Variants in MUC5B observed in about 807,000 individuals in gnomAD.
MUC5B encodes the protein mucin-5B.
A neutral mutation model predicts 376.9 loss-of-function variants in MUC5B; 116 were observed. The observed-to-expected ratio is 0.31, with a 90% CI of 0.26 to 0.36. The LOEUF is 0.36. MUC5B is among the 10% of genes least tolerant of loss of function. MUC5B has a pLI of 1.00. For synonymous variants in MUC5B, 3,517 were observed against 3,390.9 expected (o/e 1.04, Z -1.29); for missense variants, 7,165 against 7,769.9 (o/e 0.92, Z 2.93).
chr11:1,254,125 C>A lies in MUC5B; in HGVS notation c.15251C>A (p.Ser5084Tyr), dbSNP rs1391683045. 1 of 1,612,588 alleles carries A rather than the reference C, an allele frequency of 6.2e-7. No individual in the cohort carries two copies. Among genetic ancestry groups the A allele is most frequent in the African/African-American group, 1.3e-5 (1 of 74,928 alleles). ...AGCATGTGGGGCGGCTCCCACTATT[C>A]CACCTTTGACGGCACCTCTTACACC... ...ICSMWGGSHY[S>Y]TFDGTSYTFR... The change falls in exon 34 of 49, where the codon TCC becomes TAC. Residue 5084 changes from serine to tyrosine, a missense_variant. Ser to Tyr is a moderately radical substitution (Grantham distance 144). This residue lies in a region of MUC5B where 842 missense variants were observed against 1,016.9 expected (regional missense o/e 0.83). Transcript: ENST00000529681.
In MUC5B at chr11:1,242,144, C is replaced by A. The variant is rs369056309; in HGVS notation, c.5264C>A (p.Thr1755Asn). ...CCAACACTCACGAGCGAGCTGTCCA[C>A]CTCTCAGGCCGAGACCAGCACGCCC... The part of the protein sequence containing the change: ...LAPTLTSELS[T>N]SQAETSTPRT... Residue 1755 changes from threonine to asparagine, a missense_variant, in exon 31 of 49, where the codon ACC becomes AAC. This residue lies in a region of MUC5B where 897 missense variants were observed against 779.6 expected (regional missense o/e 1.15). Coordinates refer to ENST00000529681, the MANE Select transcript of MUC5B (RefSeq NM_002458.3). The A allele has an allele frequency of 6.0e-5, 97 of 1,613,484 alleles. 1 individual carries two copies. The African/African-American group carries it at 8.0e-4, about 13-fold the overall frequency.
At chr11:1,235,434 G>A in intron 23 of MUC5B, 21 bp downstream of exon 23, 1 of 1,594,908 alleles carries the variant, frequency 6.3e-7, no homozygotes, top group Non-Finnish European at 8.6e-7. Context: ...CCCCAGCTGT[G>A]AGCACCCCCG....
intron 7 of MUC5B, 60 bp from the exon 8 acceptor site, chr11:1,228,504 G>A: frequency 7.0e-7 from 1 of 1,436,388 alleles, no homozygotes; most frequent in South Asian, 1.4e-5. Context: ...TCCTATTCCA[G>A]CACCGTGGCA....
chr11:1,227,013 A>T lies in MUC5B; in HGVS notation c.462-18A>T. 1 of 1,595,910 alleles carries T rather than the reference A, an allele frequency of 6.3e-7. No homozygotes were observed. On this transcript the variant is annotated intron_variant, in intron 4 of 48. Transcript: ENST00000529681. ...CCAGGAGAGCGGGGCCCAGGGAGAG[A>T]CCCCGCTGTCTGCGCAGGGAGGAGC...
In MUC5B at chr11:1,254,764, C is replaced by G; in HGVS notation, c.15548C>G (p.Thr5183Ser). 1.2e-6 allele frequency: 2 copies of G among 1,612,884 alleles called. No homozygotes were observed. Among genetic ancestry groups the G allele is most frequent in the Non-Finnish European group, 1.7e-6 (2 of 1,179,780 alleles). Reference protein sequence around the residue: ...KNGVLVSVLGTTTMRVDIPAL... With the variant: ...KNGVLVSVLGSTTMRVDIPAL... Reference sequence around the variant, plus strand: ...GGCGTGCTTGTGTCTGTGCTGGGGACCACCACCATGCGTGTGGACATTCCT... The same window carrying G: ...GGCGTGCTTGTGTCTGTGCTGGGGAGCACCACCATGCGTGTGGACATTCCT... Residue 5183 changes from threonine to serine, a missense_variant, in exon 35 of 49, where the codon ACC becomes AGC. Transcript: ENST00000529681.
rs997115475 is a variant in MUC5B, at chr11:1,234,430, G to A, written c.2479-99G>A. The A allele has an allele frequency of 1.3e-5, 19 of 1,505,066 alleles. No homozygotes were observed. The highest frequency in any genetic ancestry group is 1.6e-5 in the Non-Finnish European group (18 of 1,114,182). 93.2% of individuals were successfully genotyped at this position (1,505,066 alleles called of 1,614,324 possible). A position where few individuals can be genotyped will look rare whatever the true frequency, so the allele number is the denominator to read the frequency against. On this transcript the variant is annotated intron_variant, in intron 20 of 48. Coordinates refer to ENST00000529681, the MANE Select transcript of MUC5B (RefSeq NM_002458.3). This position sits in a 1 kb window ranked among gnomAD's most constrained non-coding sequence, Gnocchi z 6.3. ...CTGGAAGCTCCGCCCTGGCCCATGC[G>A]TTGCCCTGGGTGCTGCTGGGTGCGC...
Position 1,234,040 on chromosome 11 carries a change from G to A in MUC5B, c.2378-165G>A, listed in dbSNP as rs938948716. ...GGAGGGGCCAGTGGGTCTCTGCCCCGCAGTGTGGCCGGGGTGTCCTGGGGT... is the reference window on the plus strand; with the variant it reads ...GGAGGGGCCAGTGGGTCTCTGCCCCACAGTGTGGCCGGGGTGTCCTGGGGT... On this transcript the variant is annotated intron_variant, in intron 19 of 48. Transcript: ENST00000529681. The surrounding 1 kb of genome is among the most constrained non-coding windows in gnomAD (Gnocchi z 6.3). 3.3e-5 allele frequency among the ~76,000 whole-genome samples: 5 copies of A among 152,148 alleles called. No homozygotes were observed. The highest frequency in any genetic ancestry group is 1.9e-4 in the East Asian group (1 of 5,190).
chr11:1,253,012 G>C lies in MUC5B; in HGVS notation c.15217+32G>C, dbSNP rs116907984. ...GCGTCGGTGGCCGCGGGATTACCCC[G>C]GGGGCAGGTGGAGCAGAGTGCACCG... is the stretch of plus-strand genomic sequence containing the variant. On this transcript the variant is annotated intron_variant, in intron 33 of 48. Transcript: ENST00000529681. The surrounding 1 kb of genome is among the most constrained non-coding windows in gnomAD (Gnocchi z 4.3). 1.1e-5 allele frequency: 17 copies of C among 1,610,832 alleles called. No homozygotes were observed. Among genetic ancestry groups the C allele is most frequent in the African/African-American group, 6.7e-5 (5 of 74,812 alleles).
chr11:1,247,572 C>T lies in MUC5B; in HGVS notation c.10692C>T (p.Thr3564=), dbSNP rs1212274223. 6.2e-7 allele frequency: 1 copy of T among 1,610,876 alleles called. No individual in the cohort carries two copies. Among genetic ancestry groups the T allele is most frequent in the Non-Finnish European group, 8.5e-7 (1 of 1,179,442 alleles). The change falls in exon 31 of 49, where the codon ACC becomes ACT. Residue 3564 remains threonine, a synonymous_variant. Coordinates refer to ENST00000529681, the MANE Select transcript of MUC5B (RefSeq NM_002458.3). The part of the protein sequence containing the change: ...LPSSPTSAPI[T]TVVTTGCEPQ... ...GCAGCCCCACATCGGCCCCCATAAC[C>T]ACGGTGGTGACCACGGGCTGTGAGC...
chr11:1,223,474 G>T (rs1029252695), intron 1 of MUC5B: 9 of 539,752 alleles, frequency 1.7e-5, no homozygotes, highest in African/African-American at 1.5e-4. Context: ...AAAGGGTCTT[G>T]GTCTTGGGGG....
At position 1,257,203 on chromosome 11, in the gene MUC5B, C is replaced by T. The variant is rs776905761; in HGVS notation, c.16238-37C>T. 4 of 779,624 alleles carry T rather than the reference C, an allele frequency of 5.1e-6. No homozygotes were observed. The Middle Eastern group carries it at 9.0e-4, about 176-fold the overall frequency. 48.3% of individuals were successfully genotyped at this position (779,624 alleles called of 1,614,324 possible). Reference sequence around the variant, plus strand: ...CCAGAGGCCCCTCCGCCTGCAAACTCAGCACCCTCCGTGATGCCATGCTGT... The same window carrying T: ...CCAGAGGCCCCTCCGCCTGCAAACTTAGCACCCTCCGTGATGCCATGCTGT... On this transcript the variant is annotated intron_variant, in intron 39 of 48. Transcript: ENST00000529681. The surrounding 1 kb of genome is among the most constrained non-coding windows in gnomAD (Gnocchi z 8.9).
In MUC5B at chr11:1,245,977, A is replaced by C; in HGVS notation, c.9097A>C (p.Thr3033Pro). The C allele has an allele frequency of 6.2e-7, 1 of 1,612,700 alleles. No individual in the cohort carries two copies. The highest frequency in any genetic ancestry group is 8.5e-7 in the Non-Finnish European group (1 of 1,179,668). ...KVLTSTATTP[T>P]ATSSKATSSS... ...GCTGACCAGCACGGCCACCACACCCACAGCCACCAGTTCCAAAGCCACTTC... is the reference window on the plus strand; with the variant it reads ...GCTGACCAGCACGGCCACCACACCCCCAGCCACCAGTTCCAAAGCCACTTC... Residue 3033 changes from threonine to proline, a missense_variant, in exon 31 of 49, where the codon ACA becomes CCA. Thr to Pro is a conservative substitution (Grantham distance 38). Transcript: ENST00000529681.
chr11:1,257,599 A>G lies in MUC5B; in HGVS notation c.16339A>G (p.Lys5447Glu). Reference sequence around the variant, plus strand: ...CGAGGGTTCAGTGTCGGTGCAGTGCAAGCCCCTGCCCTGTGACGCCCAGGG... The same window carrying G: ...CGAGGGTTCAGTGTCGGTGCAGTGCGAGCCCCTGCCCTGTGACGCCCAGGG... ...CDEGSVSVQC[K>E]PLPCDAQGQP... Residue 5447 changes from lysine to glutamate, a missense_variant, in exon 41 of 49, where the codon AAG becomes GAG. Physicochemically the swap from Lys to Glu is moderately conservative, Grantham distance 56. Around this residue, in one of 31 missense-constraint regions of MUC5B, gnomAD observed 842 missense variants for 1,016.9 expected, o/e 0.83. Transcript: ENST00000529681. The surrounding 1 kb of genome is among the most constrained non-coding windows in gnomAD (Gnocchi z 8.9). 1.9e-6 allele frequency: 3 copies of G among 1,605,640 alleles called. No homozygotes were observed. The highest frequency in any genetic ancestry group is 2.5e-6 in the Non-Finnish European group (3 of 1,179,624).
chr11:1,230,656 T>G (rs1862006836), intron 12 of MUC5B, 56 bp downstream of exon 12: 9 of 1,488,542 alleles, frequency 6.0e-6, no homozygotes, highest in South Asian at 1.2e-5. Context: ...CGAAGGTGTG[T>G]GGGGAGCAAG....
At chr11:1,259,092 G>T in intron 44 of MUC5B, 31 bp downstream of exon 44, 1 of 1,534,672 alleles carries the variant, frequency 6.5e-7, no homozygotes. Context: ...CCCCAGGTGA[G>T]CCCCCGAGGC....
At chr11:1,233,930 C>T in intron 19 of MUC5B, 82 bp downstream of exon 19, 1 of 1,373,074 alleles carries the variant, frequency 7.3e-7, no homozygotes, top group South Asian at 1.3e-5. Flanking sequence ...CCCCACCCTG[C>T]CCCACCCCAC....
chr11:1,248,471 A>G lies in MUC5B; in HGVS notation c.11591A>G (p.Lys3864Arg). Residue 3864 changes from lysine (K) to arginine (R), a missense_variant, in exon 31 of 49, where the codon AAA becomes AGA. Coordinates refer to ENST00000529681, the MANE Select transcript of MUC5B (RefSeq NM_002458.3). ...SSTPGTAHTT[K>R]VPTTTTTGFT... Reference sequence around the variant, plus strand: ...ACCCCAGGAACAGCTCACACTACCAAAGTGCCGACTACCACAACCACGGGC... The same window carrying G: ...ACCCCAGGAACAGCTCACACTACCAGAGTGCCGACTACCACAACCACGGGC... The G allele has an allele frequency of 6.2e-7, 1 of 1,608,030 alleles. No homozygotes were observed. The highest frequency in any genetic ancestry group is 8.5e-7 in the Non-Finnish European group (1 of 1,177,426).
chr11:1,223,926 C>T (rs559273476), intron 1 of MUC5B, among the ~76,000 whole-genome samples: 59 of 152,354 alleles, frequency 3.9e-4, no homozygotes, highest in African/African-American at 1.3e-3. Context: ...CCCTCCACCC[C>T]CTCCCAAGCT....
chr11:1,257,470 T>C lies in MUC5B; in HGVS notation c.16270-60T>C. The stretch of plus-strand genomic sequence containing the variant: ...CCGAGGGAGGGGGTGGCTGGACAGA[T>C]GCCCAGGGTTGACCTGTGTCTGTCC... On this transcript the variant is annotated intron_variant, in intron 40 of 48. Coordinates refer to ENST00000529681, the MANE Select transcript of MUC5B (RefSeq NM_002458.3). This position sits in a 1 kb window ranked among gnomAD's most constrained non-coding sequence, Gnocchi z 8.9. 2 of 1,575,640 alleles carry C rather than the reference T, an allele frequency of 1.3e-6. No homozygotes were observed. Among genetic ancestry groups the C allele is most frequent in the Non-Finnish European group, 1.7e-6 (2 of 1,156,918 alleles).
Sources: allele counts gnomAD v4.1 joint callset (sites outside exome capture counted in the v4.1 genomes callset), GRCh38; gene constraint gnomAD v4.1.1; regional missense constraint gnomAD v4.1.1; non-coding constraint Gnocchi (gnomAD v3.1); transcripts MANE v1.5; gene names NCBI Gene and HGNC (gene_info 2026-07-23, HGNC 2026-07-21).